SLC14A1: variants seen among roughly 807,000 people sequenced by gnomAD.
SLC14A1 encodes solute carrier family 14 member 1 (Kidd blood group), also known as urea transporter 1.
A neutral mutation model predicts 39.6 loss-of-function variants in SLC14A1; 36 were observed. The ratio of observed to expected loss-of-function variants is 0.91; its 90% CI spans 0.70 to 1.20. SLC14A1 has a LOEUF of 1.20. Among genes scored for constraint, SLC14A1 ranks in the 50% most tolerant of loss-of-function variants. The pLI is 0.00. For missense variants in SLC14A1, 469 were observed against 478.7 expected, an observed-to-expected ratio of 0.98 and a Z score of 0.19; for synonymous variants, 164 against 173.6, an observed-to-expected ratio of 0.94 and a Z score of 0.43.
chr18:45,733,243 C>G (rs892480804), intron 4 of SLC14A1, among the ~76,000 whole-genome samples: 7 of 152,122 alleles, frequency 4.6e-5, no homozygotes, highest in African/African-American at 1.2e-4. Context: ...CCCCCTCAAT[C>G]TAAAGAAGGA....
At chr18:45,749,210 C>T (rs1436603928) in intron 9 of SLC14A1, among the ~76,000 whole-genome samples, 3 of 152,224 alleles carry the variant, frequency 2.0e-5, no homozygotes, top group South Asian at 2.1e-4. Context: ...CACTCCATCA[C>T]ACCCCAGGGA....
chr18:45,734,489 T>G, intron 5 of SLC14A1, 87 bp downstream of exon 5: 4 of 1,453,166 alleles, frequency 2.8e-6, no homozygotes, highest in Non-Finnish European at 3.8e-6. Flanking sequence ...TGGCAGAGTT[T>G]CAGTTTTGCA....
intron 6 of SLC14A1, among the ~76,000 whole-genome samples, chr18:45,738,099 C>A (rs2047251253): frequency 1.3e-5 from 2 of 152,216 alleles, no homozygotes; most frequent in African/African-American, 4.8e-5. Context: ...AATTTAGAGT[C>A]CATCTTAGGG....
At position 45,730,305 on chromosome 18, in the gene SLC14A1, A is replaced by G; in HGVS notation, c.-16A>G. On this transcript the variant is annotated 5_prime_UTR_variant, in exon 3 of 10. Coordinates refer to ENST00000321925, the MANE Select transcript of SLC14A1 (RefSeq NM_015865.7). ...AGCTCTGTCCTTCCCTCAAGGAGCC[A>G]GAGGAAGAGATAGCCATGGAGGACA... 1.9e-6 allele frequency: 3 copies of G among 1,612,116 alleles called. No individual in the cohort carries two copies. Among genetic ancestry groups the G allele is most frequent in the Non-Finnish European group, 2.5e-6 (3 of 1,178,578 alleles).
intron 6 of SLC14A1, 51 bp downstream of exon 6, chr18:45,736,699 T>C: frequency 6.6e-7 from 1 of 1,515,272 alleles, no homozygotes; most frequent in Non-Finnish European, 9.2e-7. Flanking sequence ...AGATACGCAA[T>C]GGCCTCCTGG....
intron 4 of SLC14A1, among the ~76,000 whole-genome samples, chr18:45,733,837 C>T (rs1364030205): frequency 6.6e-6 from 1 of 152,170 alleles, no homozygotes; most frequent in South Asian, 2.1e-4. Flanking sequence ...ACCTGAGCTC[C>T]GCCTCCTGTC....
intron 8 of SLC14A1, among the ~76,000 whole-genome samples, chr18:45,744,446 T>C (rs972022939): frequency 2.0e-5 from 3 of 152,232 alleles, no homozygotes; most frequent in African/African-American, 4.8e-5. Flanking sequence ...AACATTTTTT[T>C]CTCAATATTT....
At chr18:45,737,944 A>C (rs1269119163) in intron 6 of SLC14A1, among the ~76,000 whole-genome samples, 2 of 152,184 alleles carry the variant, frequency 1.3e-5, no homozygotes, top group African/African-American at 2.4e-5. Context: ...CACCAACCCC[A>C]ACCCTATGGC....
chr18:45,752,263 G>C lies in SLC14A1; in HGVS notation c.*2312G>C. On this transcript the variant is annotated 3_prime_UTR_variant, in exon 10 of 10. Coordinates refer to ENST00000321925, the MANE Select transcript of SLC14A1 (RefSeq NM_015865.7). Reference sequence around the variant, plus strand: ...AGTGAAGAATCTAGGCTGTGGCTGAGAGAACCAGAGGCCTCTAAAATGGAC... The same window carrying C: ...AGTGAAGAATCTAGGCTGTGGCTGACAGAACCAGAGGCCTCTAAAATGGAC... 1 of 985,212 alleles carries C rather than the reference G, an allele frequency of 1.0e-6. No individual in the cohort carries two copies. The highest frequency in any genetic ancestry group is 1.2e-6 in the Non-Finnish European group (1 of 829,728). The allele number at this position is 985,212 out of a possible 1,614,324, so 61.0% of individuals were successfully genotyped here.
chr18:45,749,740 G>T, intron 9 of SLC14A1, 38 bp from the exon 10 acceptor site: 2 of 1,610,990 alleles, frequency 1.2e-6, no homozygotes, highest in Non-Finnish European at 1.7e-6. Flanking sequence ...TGTCAGATGG[G>T]ATCTGAAAGG....
chr18:45,748,228 G>C, intron 8 of SLC14A1, 148 bp from the exon 9 acceptor site: 1 of 830,452 alleles, frequency 1.2e-6, no homozygotes, highest in South Asian at 1.4e-5. Context: ...ATGGAGCCAG[G>C]ATTTGAACCC....
At chr18:45,733,707 G>A (rs996905813) in intron 4 of SLC14A1, among the ~76,000 whole-genome samples, 1 of 152,190 alleles carries the variant, frequency 6.6e-6, no homozygotes, top group Non-Finnish European at 1.5e-5. Flanking sequence ...GACACCTGTA[G>A]AGGGAGTCAT....
At position 45,740,520 on chromosome 18, in the gene SLC14A1, CAAAAAAAAAAAAAAAAGA is replaced by C. The variant is rs1316092567; in HGVS notation, c.946+859_946+876del. Among the ~76,000 whole-genome samples, 7 of 132,546 alleles carry C rather than the reference CAAAAAAAAAAAAAAAAGA, an allele frequency of 5.3e-5. No homozygotes were observed. In the East Asian group the frequency reaches 1.5e-3, roughly 28 times the overall value. 87.0% of individuals were successfully genotyped at this position (132,546 alleles called of 152,430 possible). ...TGGGCAACAGAGCAAGACTTCATCT[CAAAAAAAAAAAAAAAAGA>C]GAAAAGAAAAAAAAAGAAAAAGGGT... is the stretch of plus-strand genomic sequence containing the variant. On this transcript the variant is annotated intron_variant, in intron 8 of 9. Coordinates refer to ENST00000321925, the MANE Select transcript of SLC14A1 (RefSeq NM_015865.7).
intron 4 of SLC14A1, among the ~76,000 whole-genome samples, chr18:45,732,280 A>ATATG (rs2047053039): frequency 2.0e-5 from 3 of 152,346 alleles, no homozygotes; most frequent in Middle Eastern, 6.8e-3. Flanking sequence ...TTAAGTAAAT[A>ATATG]TATGTCTTCC....
chr18:45,729,514 C>G (rs2046966437), intron 2 of SLC14A1: 1 of 152,186 alleles, frequency 6.6e-6, no homozygotes, highest in Non-Finnish European at 1.5e-5. Flanking sequence ...TATAATTATG[C>G]CCTGCACATT....
intron 8 of SLC14A1, chr18:45,741,075 C>T (rs1393560950): frequency 6.6e-6 from 1 of 152,252 alleles, no homozygotes; most frequent in African/African-American, 2.4e-5. Context: ...TGGGTAAATC[C>T]ACCCCCGGAA....
At chr18:45,726,682 A>C (rs968179338) in intron 2 of SLC14A1, 1 of 151,628 alleles carries the variant, frequency 6.6e-6, no homozygotes, top group Non-Finnish European at 1.5e-5. Context: ...GTGGCACAGG[A>C]AAAAAAAATA....
chr18:45,748,777 G>A (rs1385864310), intron 9 of SLC14A1, among the ~76,000 whole-genome samples: 1 of 152,230 alleles, frequency 6.6e-6, no homozygotes, highest in Non-Finnish European at 1.5e-5. Context: ...CATTGCAGGT[G>A]ATGCAGGGCC....
chr18:45,738,521 C>A (rs1275828603), intron 6 of SLC14A1, among the ~76,000 whole-genome samples: 4 of 152,152 alleles, frequency 2.6e-5, no homozygotes, highest in Non-Finnish European at 5.9e-5. Context: ...TGTTTTGAGA[C>A]CTGCTTGACA....
Sources: gnomAD v4.1 joint callset for allele counts (sites outside exome capture counted in the v4.1 genomes callset) on GRCh38, gnomAD v4.1.1 for gene constraint, MANE v1.5 for transcripts, NCBI Gene and HGNC (gene_info 2026-07-23, HGNC 2026-07-21) for gene names.